Variants in CAST observed in about 807,000 individuals in gnomAD.
CAST encodes calpastatin, also known as MIR583 host.
A neutral mutation model predicts 119.6 loss-of-function variants in CAST; 76 were observed. The observed-to-expected ratio is 0.64, with a 90% confidence interval of 0.53 to 0.77. CAST has a LOEUF of 0.77. Ranked by LOEUF, CAST falls within the 30% of genes least tolerant of loss-of-function variation. The probability of loss-of-function intolerance (pLI) is 0.00; values close to 1 mark genes in which losing one functional copy is unlikely to be tolerated. For synonymous variants in CAST, 319 were observed against 331.6 expected (o/e 0.96, Z 0.41); for missense variants, 953 against 946.5 (o/e 1.01, Z -0.09).
chr5:96,471,691 G>T, the CAST span, among the ~76,000 whole-genome samples: 1 of 151,686 alleles, frequency 6.6e-6, no homozygotes, highest in Non-Finnish European at 1.5e-5. Flanking sequence ...ACAAAAACAA[G>T]ATCTCAATTA....
intron 1 of CAST, among the ~76,000 whole-genome samples, chr5:96,612,543 C>T (rs771825110): frequency 2.4e-4 from 37 of 152,138 alleles, no homozygotes; most frequent in Admixed American, 7.2e-4. Flanking sequence ...AATATATCCA[C>T]GTAACAAACC....
chr5:96,531,826 C>A (rs1019675903), intron 1 of CAST, among the ~76,000 whole-genome samples: 1 of 151,984 alleles, frequency 6.6e-6, no homozygotes, highest in African/African-American at 2.4e-5. Context: ...AAAAAAGGAA[C>A]CCTCAAAGCC....
chr5:96,231,909 T>C, the CAST span, among the ~76,000 whole-genome samples: 1 of 152,106 alleles, frequency 6.6e-6, no homozygotes, highest in Non-Finnish European at 1.5e-5. Flanking sequence ...AAATGAAAAC[T>C]GGTTCATGAT....
chr5:96,472,421 G>A, the CAST span, among the ~76,000 whole-genome samples: 1 of 152,286 alleles, frequency 6.6e-6, no homozygotes, highest in Admixed American at 6.5e-5. Flanking sequence ...TTGCTCTTGT[G>A]TGTGTTGCTA....
the CAST span, among the ~76,000 whole-genome samples, chr5:96,000,345 G>T: frequency 1.7e-4 from 26 of 151,960 alleles, no homozygotes; most frequent in Non-Finnish European, 2.9e-4. Flanking sequence ...GGTCTTCAAG[G>T]TTATCTCCTA....
At chr5:96,731,609 G>A (rs999586036) in intron 9 of CAST, among the ~76,000 whole-genome samples, 11 of 149,596 alleles carry the variant, frequency 7.4e-5, no homozygotes, top group African/African-American at 1.5e-4. Context: ...CCACTAACTC[G>A]TCATCTAGCA....
chr5:96,004,164 G>A, the CAST span, among the ~76,000 whole-genome samples: 6 of 152,198 alleles, frequency 3.9e-5, no homozygotes, highest in Admixed American at 2.0e-4. Flanking sequence ...ACTTTATGGG[G>A]CCTCTGTCAT....
Position 96,742,700 on chromosome 5 carries a change from G to A in CAST, c.1144G>A (p.Gly382Ser). The change falls in exon 16 of 32, where the codon GGC (glycine) becomes AGC (serine). Residue 382 changes from glycine to serine, a missense_variant. Coordinates refer to ENST00000675179, the MANE Select transcript of CAST (RefSeq NM_001750.7). ...QALEALSASLGTRQAEPELDL... is the reference protein window; with the variant it reads ...QALEALSASLSTRQAEPELDL... Reference sequence around the variant, plus strand: ...ACTCGAGGCTCTGTCGGCTTCACTGGGCACCCGGCAAGCAGAACCTGAGCT... The same window carrying A: ...ACTCGAGGCTCTGTCGGCTTCACTGAGCACCCGGCAAGCAGAACCTGAGCT... 1 of 1,613,950 alleles carries A rather than the reference G, an allele frequency of 6.2e-7. No individual in the cohort carries two copies. Among genetic ancestry groups the A allele is most frequent in the Non-Finnish European group, 8.5e-7 (1 of 1,179,904 alleles).
chr5:96,695,555 T>G (rs907813009), intron 2 of CAST, among the ~76,000 whole-genome samples: 18 of 152,204 alleles, frequency 1.2e-4, no homozygotes, highest in African/African-American at 4.1e-4. Context: ...GTGAGTGAAG[T>G]TTTTGGAAGT....
At chr5:96,073,465 G>C in the CAST span, among the ~76,000 whole-genome samples, 3 of 152,204 alleles carry the variant, frequency 2.0e-5, no homozygotes, top group Non-Finnish European at 2.9e-5. Flanking sequence ...GAGTGGCTGA[G>C]CTGGCATTGA....
chr5:96,448,073 A>C, the CAST span, among the ~76,000 whole-genome samples: 1 of 152,184 alleles, frequency 6.6e-6, no homozygotes, highest in African/African-American at 2.4e-5. Context: ...GAGGGACAAG[A>C]ATCAGCTCAG....
At chr5:96,014,799 T>C in the CAST span, among the ~76,000 whole-genome samples, 2 of 152,276 alleles carry the variant, frequency 1.3e-5, no homozygotes, top group Middle Eastern at 3.4e-3. Context: ...AAATTGTCCT[T>C]TATACAGGAA....
At chr5:96,056,771 C>A in the CAST span, among the ~76,000 whole-genome samples, 1 of 152,082 alleles carries the variant, frequency 6.6e-6, no homozygotes, top group Non-Finnish European at 1.5e-5. Context: ...TCTTCTCTGG[C>A]CTGAGATGGT....
At chr5:96,158,066 A>C in the CAST span, among the ~76,000 whole-genome samples, 1 of 144,466 alleles carries the variant, frequency 6.9e-6, no homozygotes, top group African/African-American at 2.5e-5. Flanking sequence ...CCCAAAACAA[A>C]CCAGAAAACA....
chr5:96,483,384 C>T, the CAST span, among the ~76,000 whole-genome samples: 1 of 152,142 alleles, frequency 6.6e-6, no homozygotes, highest in African/African-American at 2.4e-5. Flanking sequence ...TTTTCCATGC[C>T]TAACACTGCA....
chr5:96,060,657 G>A, the CAST span, among the ~76,000 whole-genome samples: 1 of 152,128 alleles, frequency 6.6e-6, no homozygotes, highest in East Asian at 1.9e-4. Flanking sequence ...AAAGGGCACG[G>A]TAGTCATTCT....
the CAST span, among the ~76,000 whole-genome samples, chr5:96,134,203 C>T: frequency 6.6e-6 from 1 of 152,096 alleles, no homozygotes; most frequent in Non-Finnish European, 1.5e-5. Flanking sequence ...TTTTTGTTTA[C>T]AGAACTATTA....
At chr5:96,058,623 T>C in the CAST span, among the ~76,000 whole-genome samples, 4 of 147,780 alleles carry the variant, frequency 2.7e-5, no homozygotes, top group African/African-American at 9.7e-5. Context: ...ATCTTTATTA[T>C]GAAGTAGCCA....
the CAST span, among the ~76,000 whole-genome samples, chr5:96,040,732 C>T: frequency 6.6e-6 from 1 of 152,128 alleles, no homozygotes; most frequent in Non-Finnish European, 1.5e-5. Context: ...CCAATTTGAT[C>T]ATGGCGAATA....
Sources: gnomAD v4.1 joint callset for allele counts (sites outside exome capture counted in the v4.1 genomes callset) on GRCh38, gnomAD v4.1.1 for gene constraint, MANE v1.5 for transcripts, NCBI Gene and HGNC (gene_info 2026-07-23, HGNC 2026-07-21) for gene names.